Variants in ARMC12 observed in about 807,000 individuals in gnomAD.
ARMC12 encodes the protein armadillo repeat containing 12.
ARMC12 carries 25 observed loss-of-function variants against 37.4 expected under a neutral mutation model. The ratio of observed to expected loss-of-function variants is 0.67; its 90% CI spans 0.49 to 0.93. The LOEUF (loss-of-function observed/expected upper bound fraction) is 0.93, where lower values mean the gene tolerates loss of function less well. Ranked by LOEUF, ARMC12 falls within the 40% of genes least tolerant of loss-of-function variation. ARMC12 has a pLI of 0.00. For synonymous variants in ARMC12, 167 were observed against 176.1 expected (o/e 0.95, Z 0.41); for missense variants, 384 against 426.6 (o/e 0.90, Z 0.88).
At chr6:35,732,929 T>C (rs140536724), upstream of ARMC12, among the ~76,000 whole-genome samples, 847 of 152,306 alleles carry the variant, frequency 5.6e-3, 8 homozygotes, top group African/African-American at 0.019. Context: ...ATCCCAGCAC[T>C]TTGAGAGGCC....
upstream of ARMC12, chr6:35,736,757 G>A (rs146546194): frequency 7.2e-5 from 21 of 291,598 alleles, 1 homozygote; most frequent in African/African-American, 2.6e-4. Flanking sequence ...ACATGTGTGC[G>A]CCACAATGCC....
chr6:35,747,817 G>C (rs956638798), intron 5 of ARMC12, among the ~76,000 whole-genome samples, 170 bp downstream of exon 5: 1 of 152,164 alleles, frequency 6.6e-6, no homozygotes, highest in Non-Finnish European at 1.5e-5. Flanking sequence ...CCAGTAGAAG[G>C]AGACTCCATT....
At chr6:35,744,176 C>T (rs1767265028) in intron 3 of ARMC12, among the ~76,000 whole-genome samples, 1 of 152,106 alleles carries the variant, frequency 6.6e-6, no homozygotes, top group African/African-American at 2.4e-5. Context: ...GAGTCTTGCT[C>T]TGTCACCCAG....
At chr6:35,739,802 C>T (rs565683888) in intron 3 of ARMC12, among the ~76,000 whole-genome samples, 5 of 152,352 alleles carry the variant, frequency 3.3e-5, no homozygotes, top group Non-Finnish European at 7.3e-5. Context: ...CACCTCCACA[C>T]GTTCAGCAAC....
intron 3 of ARMC12, among the ~76,000 whole-genome samples, chr6:35,746,295 A>T (rs151299522): frequency 6.6e-6 from 1 of 152,234 alleles, no homozygotes; most frequent in Non-Finnish European, 1.5e-5. Flanking sequence ...GCCTATGCAA[A>T]CACCCTAAGA....
chr6:35,740,897 G>GTTTTTTTTTTTTTT (rs11365534), intron 3 of ARMC12, among the ~76,000 whole-genome samples: 1 of 116,396 alleles, frequency 8.6e-6, no homozygotes, highest in African/African-American at 3.4e-5. Context: ...CTTCCTTCTG[G>GTTTTTTTTTTTTTT]TTTTTTTTTT....
intron 3 of ARMC12, among the ~76,000 whole-genome samples, chr6:35,744,606 C>G (rs1238783107): frequency 2.0e-5 from 3 of 151,810 alleles, no homozygotes; most frequent in Non-Finnish European, 4.4e-5. Context: ...AATACAAAAA[C>G]TAGCTGGGCA....
At chr6:35,745,236 G>A (rs140411856) in intron 3 of ARMC12, among the ~76,000 whole-genome samples, 31 of 152,224 alleles carry the variant, frequency 2.0e-4, no homozygotes, top group African/African-American at 7.0e-4. Flanking sequence ...TCTGTCAATC[G>A]GTGAATGGTT....
chr6:35,738,430 T>C lies in ARMC12; in HGVS notation c.356T>C (p.Leu119Pro). 1.9e-6 allele frequency: 3 copies of C among 1,613,942 alleles called. No individual in the cohort carries two copies. The highest frequency in any genetic ancestry group is 2.5e-6 in the Non-Finnish European group (3 of 1,179,978). Residue 119 changes from leucine (L) to proline (P), a missense_variant, in exon 3 of 6, where the codon CTG becomes CCG. Transcript: ENST00000373866. Reference protein sequence around the residue: ...TDDIVLLGYMLDDKDNSVKTQ... With the variant: ...TDDIVLLGYMPDDKDNSVKTQ... ...GACATCGTGTTGCTGGGCTACATGC[T>C]GGATGACAAGGACAACAGTGTCAAA...
rs1561919248 is a variant in ARMC12 at position 35,738,100 on chromosome 6, CA to C, written c.240del (p.Lys80AsnfsTer9). The stretch of plus-strand genomic sequence containing the variant: ...GGAGGCTCCTCAACTCTTTGGAGTG[CA>C]AACAGGATGAGTATGCCAAGAGCAT... Reference protein sequence around the residue: ...LRRLLNSLECKQDEYAKSMIL... With the variant: ...LRRLLNSLECXQDEYAKSMIL... On this transcript the variant is annotated frameshift_variant, in exon 2 of 6. Coordinates refer to ENST00000373866, the MANE Select transcript of ARMC12 (RefSeq NM_001286574.2). LOFTEE classifies it high-confidence loss of function. 1.9e-6 allele frequency: 3 copies of C among 1,614,054 alleles called. No homozygotes were observed. The highest frequency in any genetic ancestry group is 2.5e-6 in the Non-Finnish European group (3 of 1,180,026).
chr6:35,744,741 T>C lies in ARMC12; in HGVS notation c.445-2520T>C, dbSNP rs888818072. Among the ~76,000 whole-genome samples, 13 of 151,870 alleles carry C rather than the reference T, an allele frequency of 8.6e-5. No homozygotes were observed. The South Asian group carries it at 2.7e-3, about 32-fold the overall frequency. On this transcript the variant is annotated intron_variant, in intron 3 of 5. Coordinates refer to ENST00000373866, the MANE Select transcript of ARMC12 (RefSeq NM_001286574.2). ...CTGCACTCCAGCGTGGGCAACAGAG[T>C]GAGACTCTGTCTAAAAACAAAAACA...
At chr6:35,732,993 G>A (rs1256903483), upstream of ARMC12, among the ~76,000 whole-genome samples, 1 of 152,148 alleles carries the variant, frequency 6.6e-6, no homozygotes. Context: ...GGCCGAAATC[G>A]TGAAATCCAG....
At chr6:35,731,555 C>T in the ARMC12 span, among the ~76,000 whole-genome samples, 1 of 152,164 alleles carries the variant, frequency 6.6e-6, no homozygotes, top group Admixed American at 6.5e-5. Context: ...GCCCTGGGCC[C>T]CTCCGCATCC....
chr6:35,738,048 G>T lies in ARMC12; in HGVS notation c.185G>T (p.Arg62Leu), dbSNP rs138730820. The T allele has an allele frequency of 6.2e-7, 1 of 1,613,738 alleles. No individual in the cohort carries two copies. Among genetic ancestry groups the T allele is most frequent in the South Asian group, 1.1e-5 (1 of 91,074 alleles). ...CTAGGCCTGGCAGTCGAGCGAGAGC[G>T]GCACGGGCGGGACTCAGGTGAGCTC... ...CIARLAVERE[R>L]HGRDSGELRR... Residue 62 changes from arginine (R) to leucine (L), a missense_variant, in exon 2 of 6, where the codon CGG becomes CTG. Physicochemically the swap from Arg to Leu is moderately radical, Grantham distance 102. Transcript: ENST00000373866.
chr6:35,747,426 C>T lies in ARMC12; in HGVS notation c.610C>T (p.Leu204=). ...LMEILQSDYI[L]AQVQAVRLLS... is the part of the protein sequence containing the mutation. ...GGAGATCCTGCAGTCAGACTACATC[C>T]TGGCACAGGTGCCTGAGGACCATGG... The change falls in exon 4 of 6, where the codon CTG becomes TTG. Residue 204 remains leucine, a synonymous_variant. Coordinates refer to ENST00000373866, the MANE Select transcript of ARMC12 (RefSeq NM_001286574.2). The T allele has an allele frequency of 6.2e-7, 1 of 1,614,204 alleles. No homozygotes were observed. The highest frequency in any genetic ancestry group is 8.5e-7 in the Non-Finnish European group (1 of 1,180,028).
At chr6:35,734,086 G>A (rs953323887), upstream of ARMC12, 1 of 152,208 alleles carries the variant, frequency 6.6e-6, no homozygotes, top group Non-Finnish European at 1.5e-5. Flanking sequence ...CCCATAAAGA[G>A]TTGCAGCTTT....
chr6:35,747,944 A>G lies in ARMC12; in HGVS notation c.690+297A>G, dbSNP rs141063339. Among the ~76,000 whole-genome samples the G allele has an allele frequency of 6.2e-4, 94 of 152,320 alleles. 1 individual carries two copies. In the East Asian group the frequency reaches 0.018, roughly 28 times the overall value. On this transcript the variant is annotated intron_variant, in intron 5 of 5. Coordinates refer to ENST00000373866, the MANE Select transcript of ARMC12 (RefSeq NM_001286574.2). ...AATATTGGGGGGAAATTACTATGGC[A>G]AAGAGCATTATTAGGGATAGAAAAG...
At chr6:35,742,496 C>CAAAAAAAAAAAAA (rs760070963) in intron 3 of ARMC12, among the ~76,000 whole-genome samples, 1 of 43,432 alleles carries the variant, frequency 2.3e-5, no homozygotes, top group Non-Finnish European at 4.3e-5. Flanking sequence ...GACTCTGTCT[C>CAAAAAAAAAAAAA]AAAAAAAAAA....
At position 35,748,787 on chromosome 6, in the gene ARMC12, G is replaced by T; in HGVS notation, c.940G>T (p.Val314Phe). 6.2e-7 allele frequency: 1 copy of T among 1,614,258 alleles called. No homozygotes were observed. Among genetic ancestry groups the T allele is most frequent in the Non-Finnish European group, 8.5e-7 (1 of 1,180,040 alleles). The change falls in exon 6 of 6, where the codon GTC becomes TTC. Residue 314 changes from valine to phenylalanine, a missense_variant. Physicochemically the swap from Val to Phe is conservative, Grantham distance 50. Coordinates refer to ENST00000373866, the MANE Select transcript of ARMC12 (RefSeq NM_001286574.2). Reference sequence around the variant, plus strand: ...TCAGATCCAGGCCTGCAAGGTCATTGTCAGCCTGCAGTATCCCCAGGACTT... The same window carrying T: ...TCAGATCCAGGCCTGCAAGGTCATTTTCAGCCTGCAGTATCCCCAGGACTT... ...DVQIQACKVI[V>F]SLQYPQDLRA...
Sources: gnomAD v4.1 joint callset for allele counts (sites outside exome capture counted in the v4.1 genomes callset) on GRCh38, gnomAD v4.1.1 for gene constraint, MANE v1.5 for transcripts, NCBI Gene and HGNC (gene_info 2026-07-23, HGNC 2026-07-21) for gene names.